Variants in SOBP observed in about 807,000 individuals in gnomAD.
The protein encoded by SOBP is sine oculis binding protein homolog.
In SOBP, 4 loss-of-function variants were observed where a neutral mutation model predicts 53.6. The ratio of observed to expected loss-of-function variants is 0.07; its 90% CI spans 0.04 to 0.17. The LOEUF (loss-of-function observed/expected upper bound fraction) is 0.17. Ranked by LOEUF, SOBP falls within the 10% of genes least tolerant of loss-of-function variation. The probability of loss-of-function intolerance (pLI) is 1.00; values close to 1 mark genes in which losing one functional copy is unlikely to be tolerated. For synonymous variants in SOBP, 584 were observed against 522.6 expected (o/e 1.12, Z -1.60); for missense variants, 1,088 against 1,204.7 (o/e 0.90, Z 1.43).
intron 5 of SOBP, among the ~76,000 whole-genome samples, chr6:107,631,956 G>A (rs1237559456): frequency 2.6e-5 from 4 of 152,164 alleles, no homozygotes; most frequent in East Asian, 1.9e-4. Context: ...CATCTGCCAA[G>A]TGCGTGTTCG....
intron 3 of SOBP, chr6:107,514,176 T>C (rs1156863475): frequency 1.3e-5 from 2 of 152,342 alleles, no homozygotes. Context: ...TCATCATCCT[T>C]GACTACCAAG....
Position 107,634,676 on chromosome 6 carries a change from C to G in SOBP, c.1832C>G (p.Thr611Arg). The G allele has an allele frequency of 1.3e-6, 2 of 1,534,042 alleles. No homozygotes were observed. The highest frequency in any genetic ancestry group is 1.2e-5 in the South Asian group (1 of 84,752). ...GGCCAGGCCCTGAGCCTGGCGCCCA[C>G]GCCCGCCGAGCATGGCCGGAGCGAG... is the stretch of plus-strand genomic sequence containing the variant. ...CSGQALSLAP[T>R]PAEHGRSEVV... The change falls in exon 6 of 7, where the codon ACG becomes AGG. Residue 611 changes from threonine to arginine, a missense_variant. Physicochemically the swap from Thr to Arg is moderately conservative, Grantham distance 71 (BLOSUM62 -1). Coordinates refer to ENST00000317357, the MANE Select transcript of SOBP (RefSeq NM_018013.4). This position sits in a 1 kb window ranked among gnomAD's most constrained non-coding sequence, Gnocchi z 4.5.
At chr6:107,624,597 A>T (rs2115125352) in intron 5 of SOBP, among the ~76,000 whole-genome samples, 1 of 152,310 alleles carries the variant, frequency 6.6e-6, no homozygotes, top group Admixed American at 6.5e-5. Flanking sequence ...AACAAAATAG[A>T]CTGCCTCAAT....
intron 4 of SOBP, among the ~76,000 whole-genome samples, chr6:107,539,140 G>A (rs1467665457): frequency 6.6e-6 from 1 of 152,192 alleles, no homozygotes; most frequent in African/African-American, 2.4e-5. Context: ...AACACAGCAT[G>A]GGGCAAGTAG....
intron 4 of SOBP, among the ~76,000 whole-genome samples, chr6:107,567,741 T>C (rs1784958826): frequency 6.6e-6 from 1 of 152,216 alleles, no homozygotes; most frequent in South Asian, 2.1e-4. Flanking sequence ...ATACAGACTT[T>C]GAGGAAGTCA....
chr6:107,562,030 C>CTTTT (rs1213715418), intron 4 of SOBP, among the ~76,000 whole-genome samples: 1 of 130,644 alleles, frequency 7.7e-6, no homozygotes, highest in Non-Finnish European at 1.7e-5. Flanking sequence ...CTCCCTGGTT[C>CTTTT]TTTTTTTTTT....
At chr6:107,603,075 T>C (rs529786068) in intron 5 of SOBP, among the ~76,000 whole-genome samples, 2 of 152,248 alleles carry the variant, frequency 1.3e-5, no homozygotes, top group East Asian at 1.9e-4. Flanking sequence ...GAAGGATACA[T>C]TGATACTCAG....
rs542745854 is a variant in SOBP at position 107,554,865 on chromosome 6, G to T, written c.573+21255G>T. Among the ~76,000 whole-genome samples the T allele has an allele frequency of 5.9e-5, 9 of 152,280 alleles. No individual in the cohort carries two copies. The South Asian group carries it at 1.7e-3, about 28-fold the overall frequency. ...TTTCTACAGAGGGCTGGGATGGGGG[G>T]TGGGAGGTGGTGGAGAAACTGTTAT... On this transcript the variant is annotated intron_variant, in intron 4 of 6. Coordinates refer to ENST00000317357, the MANE Select transcript of SOBP (RefSeq NM_018013.4).
chr6:107,573,122 T>A (rs973613630), intron 4 of SOBP, among the ~76,000 whole-genome samples: 1 of 152,156 alleles, frequency 6.6e-6, no homozygotes, highest in Non-Finnish European at 1.5e-5. Context: ...TGAAGAGAGA[T>A]AGAAGTGGTC....
At chr6:107,631,086 T>A (rs1338705424) in intron 5 of SOBP, among the ~76,000 whole-genome samples, 1 of 152,160 alleles carries the variant, frequency 6.6e-6, no homozygotes, top group Non-Finnish European at 1.5e-5. Flanking sequence ...TTATTATTAT[T>A]TTTTACTCCA....
At chr6:107,521,909 A>C (rs1009781178) in intron 3 of SOBP, among the ~76,000 whole-genome samples, 7 of 139,278 alleles carry the variant, frequency 5.0e-5, no homozygotes, top group African/African-American at 1.1e-4. Context: ...CAGACATTAA[A>C]ACACACACAC....
At chr6:107,616,482 C>T (rs1786795839) in intron 5 of SOBP, among the ~76,000 whole-genome samples, 1 of 152,230 alleles carries the variant, frequency 6.6e-6, no homozygotes, top group Non-Finnish European at 1.5e-5. Flanking sequence ...AGCTTCCTCT[C>T]TGGTCACAAG....
chr6:107,500,714 A>G (rs955557182), intron 1 of SOBP, among the ~76,000 whole-genome samples: 2 of 142,986 alleles, frequency 1.4e-5, no homozygotes, highest in Admixed American at 1.5e-4. Flanking sequence ...TTAGAGACGG[A>G]TGGGGTTTCA....
At chr6:107,553,298 T>TA (rs1005323180) in intron 4 of SOBP, among the ~76,000 whole-genome samples, 40 of 139,432 alleles carry the variant, frequency 2.9e-4, no homozygotes, top group Middle Eastern at 3.6e-3. Context: ...CTTATTATTA[T>TA]TTTATTTATT....
intron 3 of SOBP, among the ~76,000 whole-genome samples, chr6:107,524,087 G>A (rs1396255997): frequency 6.6e-6 from 1 of 152,258 alleles, no homozygotes; most frequent in Non-Finnish European, 1.5e-5. Flanking sequence ...AAGAGCAGAT[G>A]ATGGAAATGC....
At chr6:107,563,737 G>A (rs1428891321) in intron 4 of SOBP, among the ~76,000 whole-genome samples, 1 of 151,778 alleles carries the variant, frequency 6.6e-6, no homozygotes, top group Admixed American at 6.6e-5. Flanking sequence ...CAGTATGTCC[G>A]GAAAAGCAGA....
chr6:107,604,713 G>A (rs887593945), intron 5 of SOBP, among the ~76,000 whole-genome samples: 13 of 152,140 alleles, frequency 8.5e-5, no homozygotes, highest in Admixed American at 4.6e-4. Context: ...CCCCAGTGAC[G>A]TGGCATAATA....
At position 107,636,471 on chromosome 6, in the gene SOBP, C is replaced by T. The variant is rs560274738; in HGVS notation, c.*3+1002C>T. On this transcript the variant is annotated intron_variant, in intron 6 of 6. Transcript: ENST00000317357. Reference sequence around the variant, plus strand: ...TATCTCACCAAGGAGGCAGATGAAGCTTAGATACTGTGCCCGAAGCAGAGC... The same window carrying T: ...TATCTCACCAAGGAGGCAGATGAAGTTTAGATACTGTGCCCGAAGCAGAGC... 4.6e-5 allele frequency among the ~76,000 whole-genome samples: 7 copies of T among 152,322 alleles called. No individual in the cohort carries two copies. The South Asian group carries it at 1.2e-3, about 27-fold the overall frequency.
At chr6:107,541,649 T>A (rs910167139) in intron 4 of SOBP, among the ~76,000 whole-genome samples, 2 of 152,182 alleles carry the variant, frequency 1.3e-5, no homozygotes, top group Non-Finnish European at 2.9e-5. Flanking sequence ...AAAGCAGTGA[T>A]TTTTATGTGG....
Sources: gnomAD v4.1 joint callset for allele counts (sites outside exome capture counted in the v4.1 genomes callset) on GRCh38, gnomAD v4.1.1 for gene constraint, Gnocchi (gnomAD v3.1) non-coding constraint, MANE v1.5 for transcripts, NCBI Gene and HGNC (gene_info 2026-07-23, HGNC 2026-07-21) for gene names.